Variants in KDM4C observed in about 807,000 individuals in gnomAD.
KDM4C encodes the protein lysine demethylase 4C.
In KDM4C, 81 loss-of-function variants were observed where a neutral mutation model predicts 129.3. The ratio of observed to expected loss-of-function variants is 0.63; its 90% CI spans 0.52 to 0.75. The LOEUF is 0.75. Ranked by LOEUF, KDM4C falls within the 30% of genes least tolerant of loss-of-function variation. KDM4C has a pLI of 0.00. For synonymous variants in KDM4C, 573 were observed against 456.1 expected (o/e 1.26, Z -3.26); for missense variants, 1,457 against 1,304.0 (o/e 1.12, Z -1.81).
intron 9 of KDM4C, chr9:6,982,557 TTACA>T: frequency 6.6e-6 from 1 of 152,314 alleles, no homozygotes; most frequent in East Asian, 1.9e-4. Context: ...TCACTGTGGG[TTACA>T]TTCAAGAAAA....
At chr9:6,802,104 T>C (rs1192807672) in intron 2 of KDM4C, among the ~76,000 whole-genome samples, 5 of 127,206 alleles carry the variant, frequency 3.9e-5, no homozygotes, top group Non-Finnish European at 8.4e-5. Context: ...AAACTTTGTC[T>C]CAAAAAAAAA....
intron 1 of KDM4C, among the ~76,000 whole-genome samples, chr9:6,774,418 A>G (rs1822565745): frequency 6.6e-6 from 1 of 152,148 alleles, no homozygotes; most frequent in African/African-American, 2.4e-5. Context: ...TAATCCCAGC[A>G]CTTTGGGAGG....
At chr9:7,103,576 A>C in intron 17 of KDM4C, 109 bp from the exon 18 acceptor site, 2 of 816,222 alleles carry the variant, frequency 2.5e-6, no homozygotes, top group Non-Finnish European at 1.9e-6. Flanking sequence ...TGATGTAATC[A>C]GTTGTTTTTT....
intron 17 of KDM4C, among the ~76,000 whole-genome samples, chr9:7,064,717 G>A (rs959904569): frequency 2.0e-5 from 3 of 152,060 alleles, no homozygotes; most frequent in African/African-American, 4.8e-5. Flanking sequence ...TCAGAAGAGC[G>A]ATATGCTAGG....
At chr9:6,966,320 A>C (rs917389618) in intron 8 of KDM4C, among the ~76,000 whole-genome samples, 20 of 152,054 alleles carry the variant, frequency 1.3e-4, no homozygotes, top group African/African-American at 4.8e-4. Flanking sequence ...ATAGCTGGGA[A>C]TACAGGCGCC....
At chr9:7,088,761 C>G (rs1400969755) in intron 17 of KDM4C, among the ~76,000 whole-genome samples, 2 of 152,124 alleles carry the variant, frequency 1.3e-5, no homozygotes, top group Admixed American at 6.5e-5. Context: ...CCTCATCTGT[C>G]CACTCCACAA....
At chr9:6,797,095 A>T (rs1042120589) in intron 2 of KDM4C, among the ~76,000 whole-genome samples, 1 of 151,846 alleles carries the variant, frequency 6.6e-6, no homozygotes, top group African/African-American at 2.4e-5. Flanking sequence ...TAGCCTCCCA[A>T]GTAGCTGGGA....
intron 8 of KDM4C, among the ~76,000 whole-genome samples, chr9:6,954,764 A>T (rs989113825): frequency 6.6e-6 from 1 of 152,328 alleles, no homozygotes; most frequent in Middle Eastern, 3.4e-3. Flanking sequence ...TTGTCAGGTC[A>T]GTTGAGAATC....
intron 17 of KDM4C, among the ~76,000 whole-genome samples, chr9:7,074,497 T>G (rs1833643980): frequency 6.6e-6 from 1 of 152,126 alleles, no homozygotes; most frequent in South Asian, 2.1e-4. Context: ...AATCTATTCT[T>G]GAATCTCAAT....
chr9:6,755,429 T>A (rs184315543), upstream of KDM4C, among the ~76,000 whole-genome samples: 1 of 151,988 alleles, frequency 6.6e-6, no homozygotes, highest in African/African-American at 2.4e-5. Flanking sequence ...TAATGCCAGC[T>A]GCTCAGGAGA....
chr9:6,787,691 T>C (rs1825767756), intron 1 of KDM4C, among the ~76,000 whole-genome samples: 1 of 152,228 alleles, frequency 6.6e-6, no homozygotes. Context: ...CCTGGGTTAG[T>C]GTAAATTGCC....
At chr9:6,784,817 C>T (rs754770195) in intron 1 of KDM4C, among the ~76,000 whole-genome samples, 12 of 152,202 alleles carry the variant, frequency 7.9e-5, no homozygotes, top group Non-Finnish European at 1.6e-4. Context: ...GGGGCCCAGG[C>T]CTGGGGGGCC....
chr9:7,096,653 C>A (rs374962113), intron 17 of KDM4C, among the ~76,000 whole-genome samples: 4 of 152,282 alleles, frequency 2.6e-5, no homozygotes, highest in South Asian at 4.1e-4. Context: ...AGCTCGTATA[C>A]TGTGACAGGT....
chr9:6,995,807 G>A (rs1279711360), intron 12 of KDM4C, among the ~76,000 whole-genome samples: 2 of 152,042 alleles, frequency 1.3e-5, no homozygotes, highest in African/African-American at 4.8e-5. Context: ...AAGTAGCTGG[G>A]ACTACAGGCG....
chr9:6,872,934 T>A (rs984950408), intron 5 of KDM4C, among the ~76,000 whole-genome samples: 1 of 152,208 alleles, frequency 6.6e-6, no homozygotes, highest in Non-Finnish European at 1.5e-5. Flanking sequence ...AAGCTTTTTA[T>A]TTTTTCTTTA....
rs144966444 is a variant in KDM4C, at chr9:6,775,296, C to T, written c.-18+17093C>T. On this transcript the variant is annotated intron_variant, in intron 1 of 21. Coordinates refer to ENST00000381309, the MANE Select transcript of KDM4C (RefSeq NM_015061.6). ...CCTCCCAAAGTGCTGGGATTACAGA[C>T]GTGAGCCATCCTGCTTGGTGATTCA... Among the ~76,000 whole-genome samples the T allele has an allele frequency of 3.3e-3, 498 of 151,356 alleles. 3 individuals carry two copies. The highest frequency in any genetic ancestry group is 0.012 in the African/African-American group (477 of 41,244).
intron 8 of KDM4C, among the ~76,000 whole-genome samples, chr9:6,943,958 G>C (rs139821995): frequency 2.6e-5 from 4 of 152,284 alleles, no homozygotes; most frequent in Admixed American, 6.5e-5. Context: ...TCAAACTCCA[G>C]ACAGACTTTT....
chr9:6,809,805 C>A (rs1830806516), intron 3 of KDM4C, among the ~76,000 whole-genome samples: 1 of 152,092 alleles, frequency 6.6e-6, no homozygotes, highest in South Asian at 2.1e-4. Context: ...TCGAGACCAG[C>A]TGGATAACAT....
At chr9:6,895,368 C>T (rs1475817257) in intron 8 of KDM4C, among the ~76,000 whole-genome samples, 2 of 152,152 alleles carry the variant, frequency 1.3e-5, no homozygotes, top group Admixed American at 1.3e-4. Flanking sequence ...TAAGACTAAA[C>T]GTTCATATTT....
Sources: allele counts gnomAD v4.1 joint callset (sites outside exome capture counted in the v4.1 genomes callset), GRCh38; gene constraint gnomAD v4.1.1; transcripts MANE v1.5; gene names NCBI Gene and HGNC (gene_info 2026-07-23, HGNC 2026-07-21).